Variants in WWOX observed in about 807,000 individuals in gnomAD.
WWOX encodes the protein WW domain containing oxidoreductase, also known as WW domain-containing oxidoreductase.
In WWOX, 69 loss-of-function variants were observed where a neutral mutation model predicts 46.2. The ratio of observed to expected loss-of-function variants is 1.49; its 90% CI spans 1.23 to 1.82. The LOEUF is 1.82. Among genes scored for constraint, WWOX ranks in the 40% most tolerant of loss-of-function variants. WWOX has a pLI of 0.00. For missense variants in WWOX, 919 were observed against 542.6 expected (o/e 1.69, Z -6.89); for synonymous variants, 359 against 202.6 (o/e 1.77, Z -6.56).
At chr16:78,633,877 G>A (rs977161959) in intron 8 of WWOX, among the ~76,000 whole-genome samples, 4 of 152,108 alleles carry the variant, frequency 2.6e-5, no homozygotes, top group African/African-American at 7.2e-5. Context: ...ACGGGAGCAG[G>A]GGAGGAACCA....
chr16:78,369,492 C>G (rs891750819), intron 5 of WWOX, among the ~76,000 whole-genome samples: 1 of 152,172 alleles, frequency 6.6e-6, no homozygotes, highest in Non-Finnish European at 1.5e-5. Context: ...GGTCGAGTCT[C>G]CTCAGGCACA....
intron 8 of WWOX, among the ~76,000 whole-genome samples, chr16:78,917,130 G>A (rs1010138138): frequency 3.3e-5 from 5 of 152,264 alleles, no homozygotes; most frequent in African/African-American, 9.6e-5. Flanking sequence ...GTCTGACGTG[G>A]CTGGGACAAC....
chr16:79,052,188 C>T (rs1399870615), intron 8 of WWOX, among the ~76,000 whole-genome samples: 1 of 151,376 alleles, frequency 6.6e-6, no homozygotes, highest in Non-Finnish European at 1.5e-5. Context: ...ATCCCTCCCC[C>T]TTCCCCCCAC....
rs1047153236 is a variant in WWOX at position 78,295,449 on chromosome 16, C to T, written c.517-91411C>T. ...CTCCAAGGCCAGGTGTGGTGGCTCACGCCTGTAATCCTAGCACTTTTGGAG... is the reference window on the plus strand; with the variant it reads ...CTCCAAGGCCAGGTGTGGTGGCTCATGCCTGTAATCCTAGCACTTTTGGAG... On this transcript the variant is annotated intron_variant, in intron 5 of 8. Transcript: ENST00000566780. 3.9e-5 allele frequency among the ~76,000 whole-genome samples: 6 copies of T among 152,274 alleles called. No homozygotes were observed. The East Asian group carries it at 9.7e-4, about 25-fold the overall frequency.
intron 8 of WWOX, among the ~76,000 whole-genome samples, chr16:78,794,962 C>A (rs1308660226): frequency 1.3e-5 from 2 of 152,190 alleles, no homozygotes; most frequent in Non-Finnish European, 1.5e-5. Context: ...TTAATGTTAT[C>A]ATCATCACGT....
intron 8 of WWOX, among the ~76,000 whole-genome samples, chr16:79,009,280 T>G (rs1205094136): frequency 6.6e-6 from 1 of 152,194 alleles, no homozygotes; most frequent in Non-Finnish European, 1.5e-5. Flanking sequence ...TCCTGCTCTT[T>G]GCAGATGAAT....
At chr16:78,851,258 C>G (rs757207605) in intron 8 of WWOX, among the ~76,000 whole-genome samples, 1 of 152,002 alleles carries the variant, frequency 6.6e-6, no homozygotes, top group East Asian at 1.9e-4. Context: ...ATGTGTAAAC[C>G]CAGGGTCATA....
At chr16:78,498,776 C>T (rs545656439) in intron 8 of WWOX, among the ~76,000 whole-genome samples, 181 of 152,162 alleles carry the variant, frequency 1.2e-3, no homozygotes, top group Non-Finnish European at 2.2e-3. Context: ...TCATAGTTCA[C>T]TATAATCTCG....
rs1348855984 is a variant in WWOX at position 78,230,267 on chromosome 16, A to G, written c.516+65978A>G. Among the ~76,000 whole-genome samples the G allele has an allele frequency of 4.6e-5, 7 of 152,316 alleles. No homozygotes were observed. In the East Asian group the frequency reaches 1.4e-3, roughly 29 times the overall value. ...AAACATTTGAATCACAGAGTCACAA[A>G]CAGTGAGAATAGCTGCAGTTATGTT... On this transcript the variant is annotated intron_variant, in intron 5 of 8. Transcript: ENST00000566780.
chr16:78,352,103 A>G (rs2081197668), intron 5 of WWOX, among the ~76,000 whole-genome samples: 1 of 152,218 alleles, frequency 6.6e-6, no homozygotes, highest in African/African-American at 2.4e-5. Flanking sequence ...GCCCCATCTC[A>G]AGGAACAGCT....
intron 5 of WWOX, among the ~76,000 whole-genome samples, chr16:78,379,334 C>T (rs989767667): frequency 6.6e-6 from 1 of 152,120 alleles, no homozygotes; most frequent in Non-Finnish European, 1.5e-5. Context: ...TCCCTGTAAA[C>T]AGCAACCCTT....
chr16:78,422,842 TATACACACAC>T (rs1377398273), intron 6 of WWOX, among the ~76,000 whole-genome samples: 3 of 76,296 alleles, frequency 3.9e-5, no homozygotes, highest in East Asian at 3.9e-4. Context: ...TATATATACA[TATACACACAC>T]ACACACACAC....
intron 8 of WWOX, among the ~76,000 whole-genome samples, chr16:78,605,569 A>T (rs1236752795): frequency 6.6e-6 from 1 of 152,218 alleles, no homozygotes; most frequent in Non-Finnish European, 1.5e-5. Flanking sequence ...GTTTAAAAAA[A>T]ATCAACCAAT....
intron 4 of WWOX, among the ~76,000 whole-genome samples, chr16:78,119,721 C>A (rs186261255): frequency 9.2e-5 from 14 of 151,832 alleles, no homozygotes; most frequent in African/African-American, 3.4e-4. Flanking sequence ...CCACCTTAGC[C>A]TCCCAAAGTA....
At chr16:79,050,907 C>T (rs942101765) in intron 8 of WWOX, among the ~76,000 whole-genome samples, 1 of 152,178 alleles carries the variant, frequency 6.6e-6, no homozygotes, top group Non-Finnish European at 1.5e-5. Context: ...ATATAAGCCC[C>T]ATAAAAGGCA....
At chr16:78,140,089 A>C (rs183815776) in intron 4 of WWOX, among the ~76,000 whole-genome samples, 29 of 152,324 alleles carry the variant, frequency 1.9e-4, no homozygotes, top group Admixed American at 1.6e-3. Flanking sequence ...GGGGGGATCC[A>C]TATTGTAGCC....
chr16:78,570,088 ACTT>A (rs893121542), intron 8 of WWOX, among the ~76,000 whole-genome samples: 12 of 152,226 alleles, frequency 7.9e-5, no homozygotes, highest in African/African-American at 2.7e-4. Context: ...TGTTCATATA[ACTT>A]CTTTATTGGT....
chr16:78,637,679 G>C (rs544966981), intron 8 of WWOX, among the ~76,000 whole-genome samples: 1 of 152,176 alleles, frequency 6.6e-6, no homozygotes, highest in African/African-American at 2.4e-5. Context: ...CTTGATGAAG[G>C]GCTCAGAGCT....
intron 6 of WWOX, among the ~76,000 whole-genome samples, chr16:78,391,327 G>T (rs9923470): frequency 0.2 from 29,816 of 152,128 alleles, 4,848 homozygotes; most frequent in African/African-American, 0.41. Flanking sequence ...TATTCTGTCT[G>T]TAGTTTGTTA....
Sources: gnomAD v4.1 joint callset for allele counts (sites outside exome capture counted in the v4.1 genomes callset) on GRCh38, gnomAD v4.1.1 for gene constraint, MANE v1.5 for transcripts, NCBI Gene and HGNC (gene_info 2026-07-23, HGNC 2026-07-21) for gene names.